The following TENM2 variants were observed in gnomAD, a reference collection of about 807,000 sequenced individuals.
The protein encoded by TENM2 is teneurin transmembrane protein 2.
A neutral mutation model predicts 245.2 loss-of-function variants in TENM2; 52 were observed. The ratio of observed to expected loss-of-function variants is 0.21; its 90% CI spans 0.17 to 0.27. The LOEUF is 0.27. Among genes scored for constraint, TENM2 ranks in the 10% least tolerant of loss-of-function variants. The pLI, the probability that TENM2 is intolerant of heterozygous loss-of-function variation, is 1.00. For missense variants in TENM2, 3,046 were observed against 3,666.8 expected (o/e 0.83, Z 4.37); for synonymous variants, 1,363 against 1,438.9 (o/e 0.95, Z 1.19).
chr5:167,860,138 G>T (rs1771610851), intron 2 of TENM2, among the ~76,000 whole-genome samples: 1 of 96,538 alleles, frequency 1.0e-5, no homozygotes, highest in Non-Finnish European at 2.2e-5. Context: ...CCCCTACTGG[G>T]AAGTGAGGAG....
At chr5:167,489,505 A>T (rs1038933979) in intron 2 of TENM2, among the ~76,000 whole-genome samples, 1 of 152,100 alleles carries the variant, frequency 6.6e-6, no homozygotes, top group Non-Finnish European at 1.5e-5. Flanking sequence ...TCTGACCAAC[A>T]TATTTACAAT....
chr5:168,226,241 G>A, exon 24 of TENM2: 1 of 1,613,366 alleles, frequency 6.2e-7, no homozygotes, highest in Non-Finnish European at 8.5e-7. Flanking sequence ...CTTCAGTAGA[G>A]GCCTCCTACA....
In TENM2 at chr5:168,015,369, C is replaced by T. The variant is rs143893679; in HGVS notation, c.1186+22187C>T. On this transcript the variant is annotated intron_variant, in intron 5 of 28. Transcript: ENST00000518659. ...GGCAGGGGAAAGAACTTGTCCACGACACAAGGCTAGCAAACAGCAGGTCTA... is the reference window on the plus strand; with the variant it reads ...GGCAGGGGAAAGAACTTGTCCACGATACAAGGCTAGCAAACAGCAGGTCTA... 8.8e-4 allele frequency among the ~76,000 whole-genome samples: 134 copies of T among 152,316 alleles called. 2 individuals carry two copies. In the East Asian group the frequency reaches 0.025, roughly 28 times the overall value.
intron 25 of TENM2, among the ~76,000 whole-genome samples, chr5:168,232,139 A>ATGAT (rs1562313434): frequency 1.3e-5 from 2 of 152,212 alleles, no homozygotes; most frequent in South Asian, 2.1e-4. Context: ...GACAAGATAG[A>ATGAT]TGATAGGAGG....
chr5:167,031,607 C>G, the TENM2 span, among the ~76,000 whole-genome samples: 1 of 152,098 alleles, frequency 6.6e-6, no homozygotes, highest in Admixed American at 6.6e-5. Context: ...TCTTGTTGCC[C>G]AAGCTGGAGT....
At chr5:167,862,772 G>A (rs1399353479) in intron 2 of TENM2, among the ~76,000 whole-genome samples, 2 of 152,224 alleles carry the variant, frequency 1.3e-5, no homozygotes, top group Non-Finnish European at 2.9e-5. Context: ...AGGTGAGGAA[G>A]ATGCAATTCG....
At chr5:167,774,529 G>C (rs1011179451) in intron 2 of TENM2, among the ~76,000 whole-genome samples, 2 of 152,134 alleles carry the variant, frequency 1.3e-5, no homozygotes, top group Non-Finnish European at 2.9e-5. Flanking sequence ...AGCTACATTA[G>C]GGAGAGTCTT....
chr5:167,014,861 C>A, the TENM2 span, among the ~76,000 whole-genome samples: 6 of 152,316 alleles, frequency 3.9e-5, no homozygotes, highest in Admixed American at 1.3e-4. Context: ...TAAATAAATG[C>A]ATTTGTGAAT....
chr5:167,432,481 T>C (rs1764307954), intron 2 of TENM2, among the ~76,000 whole-genome samples: 1 of 151,876 alleles, frequency 6.6e-6, no homozygotes, highest in Non-Finnish European at 1.5e-5. Flanking sequence ...AATTTGTTTC[T>C]CTTCATCTCT....
intron 2 of TENM2, among the ~76,000 whole-genome samples, chr5:167,623,633 G>A (rs930240362): frequency 1.3e-5 from 2 of 152,034 alleles, no homozygotes; most frequent in Admixed American, 6.6e-5. Context: ...CATTGTTCTC[G>A]GAAGGAATCC....
Position 167,761,176 on chromosome 5 carries a change from C to T in TENM2, c.503-114810C>T, listed in dbSNP as rs986709434. Among the ~76,000 whole-genome samples, 6 of 152,162 alleles carry T rather than the reference C, an allele frequency of 3.9e-5. No homozygotes were observed. The South Asian group carries it at 1.2e-3, about 32-fold the overall frequency. Reference sequence around the variant, plus strand: ...AAAGATCATCCTCTGTCTCATCCACCATCTTCACTGTCAGTTTCCTCTCCC... The same window carrying T: ...AAAGATCATCCTCTGTCTCATCCACTATCTTCACTGTCAGTTTCCTCTCCC... On this transcript the variant is annotated intron_variant, in intron 2 of 28. Coordinates refer to ENST00000518659, the Ensembl canonical transcript of TENM2.
chr5:167,560,261 G>T (rs557809327), intron 2 of TENM2, among the ~76,000 whole-genome samples: 1 of 152,098 alleles, frequency 6.6e-6, no homozygotes, highest in Non-Finnish European at 1.5e-5. Context: ...AGAGCACTCC[G>T]TCTCTAACCT....
At chr5:167,042,666 T>C in the TENM2 span, among the ~76,000 whole-genome samples, 2 of 152,240 alleles carry the variant, frequency 1.3e-5, no homozygotes, top group South Asian at 2.1e-4. Context: ...TCCAAGACAG[T>C]TTTGAGGAGT....
intron 1 of TENM2, among the ~76,000 whole-genome samples, chr5:167,323,237 G>C (rs907403364): frequency 6.6e-6 from 1 of 152,192 alleles, no homozygotes; most frequent in Non-Finnish European, 1.5e-5. Context: ...TTTTCTGAAT[G>C]TACAGATAAA....
intron 2 of TENM2, among the ~76,000 whole-genome samples, chr5:167,523,047 C>T (rs1770869775): frequency 6.6e-6 from 1 of 152,138 alleles, no homozygotes; most frequent in Non-Finnish European, 1.5e-5. Context: ...GCCCATCTCC[C>T]TCTGCTCCAT....
At chr5:167,304,837 G>A (rs1039825256) in intron 1 of TENM2, among the ~76,000 whole-genome samples, 4 of 152,048 alleles carry the variant, frequency 2.6e-5, no homozygotes, top group Non-Finnish European at 5.9e-5. Context: ...TCCCTCTTCA[G>A]AGCTGTCAGT....
intron 2 of TENM2, among the ~76,000 whole-genome samples, chr5:167,523,504 A>G (rs1380164751): frequency 6.6e-6 from 1 of 152,074 alleles, no homozygotes; most frequent in Non-Finnish European, 1.5e-5. Flanking sequence ...TTACACATAA[A>G]TGTGTAGACA....
At chr5:167,468,582 G>A (rs1766814510) in intron 2 of TENM2, among the ~76,000 whole-genome samples, 1 of 152,104 alleles carries the variant, frequency 6.6e-6, no homozygotes. Context: ...TCTTAGAAAG[G>A]GGAAACCAAA....
At chr5:168,232,851 C>T (rs1304209251) in intron 25 of TENM2, among the ~76,000 whole-genome samples, 1 of 152,182 alleles carries the variant, frequency 6.6e-6, no homozygotes, top group Non-Finnish European at 1.5e-5. Context: ...AGACCGGGAC[C>T]ACATCCTTTC....
Sources: gnomAD v4.1 joint callset for allele counts (sites outside exome capture counted in the v4.1 genomes callset) on GRCh38, gnomAD v4.1.1 for gene constraint, MANE v1.5 for transcripts, NCBI Gene and HGNC (gene_info 2026-07-23, HGNC 2026-07-21) for gene names.